TBC1D9B: variants seen among roughly 807,000 people sequenced by gnomAD.
TBC1D9B encodes the protein TBC1 domain family member 9B.
TBC1D9B carries 87 observed loss-of-function variants against 121.1 expected under a neutral mutation model. That is an observed-to-expected ratio of 0.72 (90% confidence interval 0.60 to 0.86). TBC1D9B has a LOEUF of 0.86. Among genes scored for constraint, TBC1D9B ranks in the 40% least tolerant of loss-of-function variants. The pLI is 0.00. For missense variants in TBC1D9B, 1,540 were observed against 1,628.6 expected, an observed-to-expected ratio of 0.95 and a Z score of 0.94; for synonymous variants, 668 against 670.1, an observed-to-expected ratio of 1.00 and a Z score of 0.05.
intron 7 of TBC1D9B, among the ~76,000 whole-genome samples, chr5:179,882,831 C>T (rs550709420): frequency 8.5e-5 from 13 of 152,146 alleles, no homozygotes; most frequent in Non-Finnish European, 1.6e-4. Flanking sequence ...GAGACACCCT[C>T]CCCAACCCCC....
chr5:179,896,420 G>A (rs1400121228), intron 3 of TBC1D9B, among the ~76,000 whole-genome samples: 2 of 152,176 alleles, frequency 1.3e-5, no homozygotes, highest in African/African-American at 4.8e-5. Flanking sequence ...GAGCCACCGC[G>A]CCTAGCCAAA....
In TBC1D9B at chr5:179,867,380, C is replaced by T. The variant is rs978573853; in HGVS notation, c.2863+398G>A. On this transcript the variant is annotated intron_variant, in intron 18 of 20. Transcript: ENST00000355235. ...GTCCCTGGGACAAAGAGCTTCCAGGCTTCCTGATAGTGCAGGAAGAGTGTT... is the reference window on the plus strand; with the variant it reads ...GTCCCTGGGACAAAGAGCTTCCAGGTTTCCTGATAGTGCAGGAAGAGTGTT... 6 of 1,486,102 alleles carry T rather than the reference C, an allele frequency of 4.0e-6. No homozygotes were observed. In the African/African-American group the frequency reaches 8.4e-5, roughly 21 times the overall value. The allele number at this position is 1,486,102 out of a possible 1,614,324, so 92.1% of individuals were successfully genotyped here.
intron 12 of TBC1D9B, among the ~76,000 whole-genome samples, chr5:179,873,592 C>T (rs67930568): frequency 0.24 from 36,978 of 152,174 alleles, 5,471 homozygotes; most frequent in East Asian, 0.6. Flanking sequence ...TGGCGGGGCC[C>T]TGGGGATGTG....
Position 179,865,364 on chromosome 5 carries a change from C to T in TBC1D9B, c.2915-4G>A. ...GGAGAGCTGGTCCCCTTCTCCTCTG[C>T]AGGTTAGGAGGAAAGAGATTAATCT... On this transcript the variant is annotated splice_polypyrimidine_tract_variant and splice_region_variant and intron_variant, in intron 19 of 20. Coordinates refer to ENST00000355235, the MANE Select transcript of TBC1D9B (RefSeq NM_015043.4). This position sits in a 1 kb window ranked among gnomAD's most constrained non-coding sequence, Gnocchi z 5.1. The T allele has an allele frequency of 6.2e-7, 1 of 1,613,446 alleles. No homozygotes were observed. The highest frequency in any genetic ancestry group is 1.1e-5 in the South Asian group (1 of 91,068).
intron 17 of TBC1D9B, chr5:179,869,346 G>C: frequency 2.8e-6 from 1 of 362,318 alleles, no homozygotes; most frequent in Non-Finnish European, 5.5e-6. Flanking sequence ...ACCACTGAGA[G>C]GCCAGAGAGA....
In TBC1D9B at chr5:179,863,989, C is replaced by T. The variant is rs185070653; in HGVS notation, c.3161G>A (p.Arg1054His). The T allele has an allele frequency of 2.5e-5, 41 of 1,613,728 alleles. No individual in the cohort carries two copies. The highest frequency in any genetic ancestry group is 1.6e-4 in the Middle Eastern group (1 of 6,084). ...IGEVGKKFSARTGRKPRDCAT... is the reference protein window; with the variant it reads ...IGEVGKKFSAHTGRKPRDCAT... ...ACAGTCCCTGGGCTTCCTGCCTGTG[C>T]GGGCTGAGAACTTCTTCCCCACCTC... is the stretch of plus-strand genomic sequence containing the variant. The change falls in exon 21 of 21, where the codon CGC becomes CAC. Residue 1054 changes from arginine to histidine, a missense_variant. Arg to His is a conservative substitution (Grantham distance 29). Coordinates refer to ENST00000355235, the MANE Select transcript of TBC1D9B (RefSeq NM_015043.4). The surrounding 1 kb of genome is among the most constrained non-coding windows in gnomAD (Gnocchi z 4.5).
Position 179,899,204 on chromosome 5 carries a change from G to C in TBC1D9B, c.333C>G (p.Val111=). Residue 111 remains valine, a synonymous_variant, in exon 3 of 21, where the codon GTC becomes GTG. Transcript: ENST00000355235. ...FDSEEDITTF[V]KGKIHGIIAE... is the part of the protein sequence containing the mutation. ...TAAACCTTACGTGTATCTTGCCCTT[G>C]ACGAAGGTGGTGATATCTTCCTCAC... 6.2e-7 allele frequency: 1 copy of C among 1,612,462 alleles called. No individual in the cohort carries two copies.
At chr5:179,867,272 C>G in intron 18 of TBC1D9B, 1 of 701,256 alleles carries the variant, frequency 1.4e-6, no homozygotes, top group South Asian at 2.3e-5. Flanking sequence ...CCACCTACAG[C>G]AGACACGGAG....
rs369962824 is a variant in TBC1D9B at position 179,870,245 on chromosome 5, A to C, written c.2725+10T>G. ...GGGTCAAGCCCCTGGTAGGCCCTGC[A>C]GGCACTCACTCATCCCTGTCACGAA... is the stretch of plus-strand genomic sequence containing the variant. On this transcript the variant is annotated intron_variant, in intron 16 of 20. Transcript: ENST00000355235. 317 of 1,613,516 alleles carry C rather than the reference A, an allele frequency of 2.0e-4. No homozygotes were observed. Among genetic ancestry groups the C allele is most frequent in the Non-Finnish European group, 2.4e-4 (285 of 1,179,910 alleles).
At position 179,874,890 on chromosome 5, in the gene TBC1D9B, C is replaced by T; in HGVS notation, c.2186+12G>A. 2 of 1,610,902 alleles carry T rather than the reference C, an allele frequency of 1.2e-6. No homozygotes were observed. The highest frequency in any genetic ancestry group is 1.3e-5 in the African/African-American group (1 of 75,020). ...GTGAGCCCCCAGCAGGAGAAGGAAC[C>T]CGGCATGTCACCTGCCCAGCATGGT... On this transcript the variant is annotated intron_variant, in intron 12 of 20. Coordinates refer to ENST00000355235, the MANE Select transcript of TBC1D9B (RefSeq NM_015043.4). This position sits in a 1 kb window ranked among gnomAD's most constrained non-coding sequence, Gnocchi z 4.3.
At position 179,862,699 on chromosome 5, in the gene TBC1D9B, C is replaced by T. The variant is rs1759879557; in HGVS notation, c.*749G>A. On this transcript the variant is annotated 3_prime_UTR_variant, in exon 21 of 21. Coordinates refer to ENST00000355235, the MANE Select transcript of TBC1D9B (RefSeq NM_015043.4). Reference sequence around the variant, plus strand: ...CTGGGGAGAAGTTGGGAGGCCTAAGCAGTGGTTGGGGGCCACAGCAAGGCA... The same window carrying T: ...CTGGGGAGAAGTTGGGAGGCCTAAGTAGTGGTTGGGGGCCACAGCAAGGCA... 2.3e-6 allele frequency: 1 copy of T among 430,402 alleles called. No homozygotes were observed. Among genetic ancestry groups the T allele is most frequent in the Non-Finnish European group, 4.9e-6 (1 of 205,594 alleles). 26.7% of individuals were successfully genotyped at this position (430,402 alleles called of 1,614,324 possible).
chr5:179,878,305 T>C lies in TBC1D9B; in HGVS notation c.1782+4A>G, dbSNP rs778368011. 5.0e-5 allele frequency: 81 copies of C among 1,610,092 alleles called. No homozygotes were observed. Among genetic ancestry groups the C allele is most frequent in the Non-Finnish European group, 6.6e-5 (78 of 1,178,936 alleles). On this transcript the variant is annotated splice_donor_region_variant and intron_variant, in intron 10 of 20. Transcript: ENST00000355235. ...TGTCTCTGGGCCCCTGTCAGGCCCC[T>C]TACCTGGCAGTAGCCGATGGTGGGG...
At position 179,907,781 on chromosome 5, in the gene TBC1D9B, A is replaced by G; in HGVS notation, c.41T>C (p.Leu14Pro). 8.2e-7 allele frequency: 1 copy of G among 1,226,900 alleles called. No individual in the cohort carries two copies. Among genetic ancestry groups the G allele is most frequent in the East Asian group, 6.4e-5 (1 of 15,682 alleles). 76.0% of individuals were successfully genotyped at this position (1,226,900 alleles called of 1,614,324 possible). A position where few individuals can be genotyped will look rare whatever the true frequency, so the allele number is the denominator to read the frequency against. The part of the protein sequence containing the change: ...SPEEVLVANA[L>P]WVTERANPFF... ...GGGGTTGGCCCGCTCCGTCACCCAC[A>G]GCGCATTGGCCACCAGCACCTCCTC... The change falls in exon 1 of 21, where the codon CTG becomes CCG. Residue 14 changes from leucine (L) to proline (P), a missense_variant. Physicochemically the swap from Leu to Pro is moderately conservative, Grantham distance 98. Coordinates refer to ENST00000355235, the MANE Select transcript of TBC1D9B (RefSeq NM_015043.4). The surrounding 1 kb of genome is among the most constrained non-coding windows in gnomAD (Gnocchi z 5.3).
At chr5:179,898,623 A>G (rs1761079533) in intron 3 of TBC1D9B, among the ~76,000 whole-genome samples, 1 of 150,976 alleles carries the variant, frequency 6.6e-6, no homozygotes, top group South Asian at 2.1e-4. Context: ...TAATTTTTGT[A>G]TTTTTAGTAG....
chr5:179,893,096 G>A lies in TBC1D9B; in HGVS notation c.836+113C>T, dbSNP rs1295766755. On this transcript the variant is annotated intron_variant, in intron 5 of 20. Transcript: ENST00000355235. ...TCCTTCCCAAGTGGGGAGCCCATGA[G>A]GGGTGAATGTGGACACCTTCTCCAG... The A allele has an allele frequency of 4.2e-6, 6 of 1,425,468 alleles. No individual in the cohort carries two copies. The African/African-American group carries it at 4.3e-5, about 10-fold the overall frequency. The allele number at this position is 1,425,468 out of a possible 1,614,324, so 88.3% of individuals were successfully genotyped here.
Position 179,907,836 on chromosome 5 carries a change from C to A in TBC1D9B, c.-15G>T, listed in dbSNP as rs1761369143. On this transcript the variant is annotated 5_prime_UTR_variant, in exon 1 of 21. Coordinates refer to ENST00000355235, the MANE Select transcript of TBC1D9B (RefSeq NM_015043.4). This position sits in a 1 kb window ranked among gnomAD's most constrained non-coding sequence, Gnocchi z 5.3. ...CTCAGCCACATCGCGGAGCCGCTCG[C>A]ACCGGGCCGAGGCCCGCGAGACGGA... The A allele has an allele frequency of 8.9e-7, 1 of 1,123,892 alleles. No individual in the cohort carries two copies. Among genetic ancestry groups the A allele is most frequent in the Non-Finnish European group, 1.1e-6 (1 of 902,488 alleles). 69.6% of individuals were successfully genotyped at this position (1,123,892 alleles called of 1,614,324 possible).
chr5:179,900,549 A>G (rs889501860), intron 2 of TBC1D9B, among the ~76,000 whole-genome samples: 1 of 152,218 alleles, frequency 6.6e-6, no homozygotes, highest in Non-Finnish European at 1.5e-5. Flanking sequence ...GGTGGCCGCG[A>G]ACACTGAGTT....
chr5:179,873,200 C>T lies in TBC1D9B; in HGVS notation c.2235G>A (p.Pro745=), dbSNP rs769740312. ...TGCTGCTCAGCAAGGCACGGAGGTG[C>T]GGGATAGGAGGAGAGACACTCTGCT... ...VNKQSVSPPI[P]HLRALLSSSD... Residue 745 remains proline (P), a synonymous_variant, in exon 13 of 21, where the codon CCG becomes CCA. Coordinates refer to ENST00000355235, the MANE Select transcript of TBC1D9B (RefSeq NM_015043.4). The T allele has an allele frequency of 3.1e-6, 5 of 1,612,948 alleles. No individual in the cohort carries two copies. Among genetic ancestry groups the T allele is most frequent in the East Asian group, 2.2e-5 (1 of 44,870 alleles).
chr5:179,870,037 G>A (rs556828932), intron 16 of TBC1D9B, among the ~76,000 whole-genome samples: 2 of 152,290 alleles, frequency 1.3e-5, no homozygotes, highest in East Asian at 3.9e-4. Flanking sequence ...CCAGCTTCTA[G>A]CAGCCCCAGA....
Sources: allele counts gnomAD v4.1 joint callset (sites outside exome capture counted in the v4.1 genomes callset), GRCh38; gene constraint gnomAD v4.1.1; non-coding constraint Gnocchi (gnomAD v3.1); transcripts MANE v1.5; gene names NCBI Gene and HGNC (gene_info 2026-07-23, HGNC 2026-07-21).